The following XPR1 variants were observed in gnomAD, a reference collection of about 807,000 sequenced individuals.
The protein encoded by XPR1 is xenotropic and polytropic retrovirus receptor 1, also known as solute carrier family 53 member 1.
A neutral mutation model predicts 87.5 loss-of-function variants in XPR1; 28 were observed. The ratio of observed to expected loss-of-function variants is 0.32; its 90% confidence interval spans 0.24 to 0.44. XPR1 has a LOEUF of 0.44. Ranked by LOEUF, XPR1 falls within the 20% of genes least tolerant of loss-of-function variation. The pLI, the probability that XPR1 is intolerant of heterozygous loss-of-function variation, is 1.00. For missense variants in XPR1, 559 were observed against 862.3 expected (o/e 0.65, Z 4.41); for synonymous variants, 300 against 306.1 (o/e 0.98, Z 0.21).
At chr1:180,714,405 C>T (rs1657918087) in intron 2 of XPR1, among the ~76,000 whole-genome samples, 1 of 120,562 alleles carries the variant, frequency 8.3e-6, no homozygotes, top group Non-Finnish European at 1.7e-5. Context: ...CTCTCTCTGT[C>T]GTCTGTCTGT....
chr1:180,859,798 T>G (rs977393442), intron 11 of XPR1, among the ~76,000 whole-genome samples: 3 of 152,136 alleles, frequency 2.0e-5, no homozygotes, highest in Non-Finnish European at 1.5e-5. Flanking sequence ...TATAAAAAAT[T>G]AGAGTGTGAT....
chr1:180,751,847 A>G (rs1647547394), intron 2 of XPR1, among the ~76,000 whole-genome samples: 1 of 152,128 alleles, frequency 6.6e-6, no homozygotes, highest in African/African-American at 2.4e-5. Context: ...CTTGTCTATA[A>G]TTTTAAGTAT....
At chr1:180,766,674 A>G (rs529611958) in intron 2 of XPR1, among the ~76,000 whole-genome samples, 1 of 152,310 alleles carries the variant, frequency 6.6e-6, no homozygotes, top group Admixed American at 6.5e-5. Flanking sequence ...GCTTAAAAGT[A>G]AAAACATGTA....
At position 180,826,097 on chromosome 1, in the gene XPR1, G is replaced by T. The variant is rs571981481; in HGVS notation, c.1134+753G>T. Reference sequence around the variant, plus strand: ...TGACTTTGATTCTTGTTTATAATAAGTTCTTTTTTTCTTCCACTTTACCTG... The same window carrying T: ...TGACTTTGATTCTTGTTTATAATAATTTCTTTTTTTCTTCCACTTTACCTG... On this transcript the variant is annotated intron_variant, in intron 9 of 14. Transcript: ENST00000367590. 2.6e-5 allele frequency among the ~76,000 whole-genome samples: 4 copies of T among 152,092 alleles called. No individual in the cohort carries two copies. The East Asian group carries it at 7.7e-4, about 29-fold the overall frequency.
rs1658062786 is a variant in XPR1, at chr1:180,718,226, GC to G, written c.121+35817del. ...GGTCACTGAACTTTTCTAGAAATGA[GC>G]CATCAATACATGGGAATGGGTTTGA... is the stretch of plus-strand genomic sequence containing the variant. On this transcript the variant is annotated intron_variant, in intron 2 of 14. Transcript: ENST00000367590. 2.0e-5 allele frequency among the ~76,000 whole-genome samples: 3 copies of G among 152,138 alleles called. No individual in the cohort carries two copies. The South Asian group carries it at 6.2e-4, about 31-fold the overall frequency.
chr1:180,857,872 A>G (rs1652086226), intron 11 of XPR1, among the ~76,000 whole-genome samples: 1 of 152,220 alleles, frequency 6.6e-6, no homozygotes, highest in African/African-American at 2.4e-5. Context: ...ACTCAGTAGT[A>G]AACAGTTCTT....
intron 2 of XPR1, among the ~76,000 whole-genome samples, chr1:180,711,430 A>G (rs918293310): frequency 2.0e-5 from 3 of 152,208 alleles, no homozygotes; most frequent in African/African-American, 7.2e-5. Context: ...TGGCCAACAC[A>G]GCGAAACCCC....
chr1:180,782,054 T>G (rs1231818018), intron 2 of XPR1, among the ~76,000 whole-genome samples: 3 of 152,050 alleles, frequency 2.0e-5, no homozygotes, highest in Non-Finnish European at 2.9e-5. Context: ...TGTCTCTATT[T>G]TAGTATAACT....
At chr1:180,853,076 G>A (rs547249816) in intron 11 of XPR1, among the ~76,000 whole-genome samples, 8 of 152,080 alleles carry the variant, frequency 5.3e-5, no homozygotes, top group African/African-American at 1.2e-4. Flanking sequence ...AATTACAGGC[G>A]CACACCAAGC....
At chr1:180,876,663 T>C (rs1652673248) in intron 13 of XPR1, among the ~76,000 whole-genome samples, 1 of 151,592 alleles carries the variant, frequency 6.6e-6, no homozygotes, top group African/African-American at 2.4e-5. Flanking sequence ...GAAACCTGTC[T>C]CACTTATATT....
At chr1:180,663,610 G>C (rs886809296) in intron 1 of XPR1, among the ~76,000 whole-genome samples, 2 of 152,176 alleles carry the variant, frequency 1.3e-5, no homozygotes, top group Admixed American at 6.5e-5. Flanking sequence ...CGCAACACTG[G>C]ATGTTTCTGA....
intron 11 of XPR1, among the ~76,000 whole-genome samples, chr1:180,846,568 A>T (rs528922119): frequency 7.3e-5 from 11 of 151,580 alleles, no homozygotes; most frequent in African/African-American, 2.7e-4. Context: ...CAGCCTCCTG[A>T]GTAGCTGGGA....
intron 2 of XPR1, among the ~76,000 whole-genome samples, chr1:180,715,801 T>C (rs1248508010): frequency 2.6e-5 from 4 of 151,818 alleles, no homozygotes; most frequent in African/African-American, 9.7e-5. Flanking sequence ...GCCTCCTGAG[T>C]AGCTGGAATT....
At position 180,723,102 on chromosome 1, in the gene XPR1, C is replaced by A. The variant is rs1203622117; in HGVS notation, c.121+40691C>A. On this transcript the variant is annotated intron_variant, in intron 2 of 14. Coordinates refer to ENST00000367590, the MANE Select transcript of XPR1 (RefSeq NM_004736.4). ...ATCTTCTTACAGAGCATACAACTTACAAATATCTCTCTGTCCTCCCCGTTT... is the reference window on the plus strand; with the variant it reads ...ATCTTCTTACAGAGCATACAACTTAAAAATATCTCTCTGTCCTCCCCGTTT... Among the ~76,000 whole-genome samples the A allele has an allele frequency of 3.9e-5, 6 of 152,240 alleles. No homozygotes were observed. In the South Asian group the frequency reaches 8.3e-4, roughly 21 times the overall value.
At chr1:180,804,449 TA>T (rs112007919) in intron 4 of XPR1, among the ~76,000 whole-genome samples, 28 of 152,012 alleles carry the variant, frequency 1.8e-4, no homozygotes, top group African/African-American at 6.8e-4. Flanking sequence ...TCATATTTTT[TA>T]AAAGTTATTG....
chr1:180,736,164 G>A (rs1334955362), intron 2 of XPR1, among the ~76,000 whole-genome samples: 1 of 152,204 alleles, frequency 6.6e-6, no homozygotes, highest in Non-Finnish European at 1.5e-5. Flanking sequence ...CGACATTAAT[G>A]TTTTAGCTGA....
intron 9 of XPR1, among the ~76,000 whole-genome samples, chr1:180,830,994 G>A (rs1000441404): frequency 2.6e-5 from 4 of 152,200 alleles, no homozygotes; most frequent in Admixed American, 2.6e-4. Context: ...TACACTGCAT[G>A]AGTTACTGCC....
intron 3 of XPR1, among the ~76,000 whole-genome samples, chr1:180,789,851 T>C (rs1257321222): frequency 1.3e-5 from 2 of 152,182 alleles, no homozygotes; most frequent in Admixed American, 6.5e-5. Context: ...TCTTCATGCC[T>C]ACCCCAGAGG....
At chr1:180,708,686 A>C (rs976666818) in intron 2 of XPR1, among the ~76,000 whole-genome samples, 2 of 152,034 alleles carry the variant, frequency 1.3e-5, no homozygotes, top group Non-Finnish European at 1.5e-5. Context: ...ACTTTCCTTA[A>C]ATATTTTTTG....
Sources: allele counts gnomAD v4.1 joint callset (sites outside exome capture counted in the v4.1 genomes callset), GRCh38; gene constraint gnomAD v4.1.1; transcripts MANE v1.5; gene names NCBI Gene and HGNC (gene_info 2026-07-23, HGNC 2026-07-21).